Variants in SLC25A48 observed in about 807,000 individuals in gnomAD.
The protein encoded by SLC25A48 is solute carrier family 25 member 48, also known as CTC-321K16.1.
A neutral mutation model predicts 32.2 loss-of-function variants in SLC25A48; 29 were observed. The observed-to-expected ratio is 0.90, with a 90% CI of 0.67 to 1.23. The LOEUF is 1.23. Among genes scored for constraint, SLC25A48 ranks in the 50% most tolerant of loss-of-function variants. The pLI is 0.00. For synonymous variants in SLC25A48, 164 were observed against 172.3 expected, an observed-to-expected ratio of 0.95 and a Z score of 0.38; for missense variants, 399 against 422.7, an observed-to-expected ratio of 0.94 and a Z score of 0.49.
chr5:135,675,551 A>G (rs552950575), intron 3 of SLC25A48, among the ~76,000 whole-genome samples: 3 of 152,166 alleles, frequency 2.0e-5, no homozygotes, highest in South Asian at 2.1e-4. Context: ...ATTCTGTCCC[A>G]TTGGTCTACA....
At chr5:135,652,528 C>T (rs925506633) in intron 3 of SLC25A48, 2 of 428,770 alleles carry the variant, frequency 4.7e-6, no homozygotes, top group Non-Finnish European at 9.4e-6. Context: ...ACTATATACC[C>T]CATTAACTGG....
chr5:135,745,722 C>T (rs527530005), intron 3 of SLC25A48, among the ~76,000 whole-genome samples: 1 of 152,288 alleles, frequency 6.6e-6, no homozygotes, highest in Non-Finnish European at 1.5e-5. Context: ...TTAAGCTAAA[C>T]TCCACTAGGG....
At chr5:135,777,034 CA>C (rs1756582340) in intron 3 of SLC25A48, among the ~76,000 whole-genome samples, 1 of 151,118 alleles carries the variant, frequency 6.6e-6, no homozygotes, top group Admixed American at 6.6e-5. Context: ...TCCTAATATC[CA>C]GGGGAAGAGA....
At chr5:135,852,476 G>A (rs1759951710) in intron 3 of SLC25A48, 87 bp from the exon 4 acceptor site, 1 of 1,467,400 alleles carries the variant, frequency 6.8e-7, no homozygotes, top group East Asian at 2.3e-5. Flanking sequence ...ATGGGCAGAT[G>A]TGTCCGGTGG....
intron 3 of SLC25A48, among the ~76,000 whole-genome samples, chr5:135,758,678 TATC>T (rs1342529586): frequency 6.6e-6 from 1 of 150,722 alleles, no homozygotes; most frequent in Non-Finnish European, 1.5e-5. Flanking sequence ...ATTAATAGAA[TATC>T]ATCTATGCTA....
intron 3 of SLC25A48, among the ~76,000 whole-genome samples, chr5:135,675,002 A>G (rs946462684): frequency 4.0e-5 from 6 of 151,796 alleles, no homozygotes; most frequent in Non-Finnish European, 7.4e-5. Flanking sequence ...TTTTCCCTGC[A>G]TCCTCGCCAG....
At chr5:135,662,922 G>A (rs1753438032) in intron 3 of SLC25A48, among the ~76,000 whole-genome samples, 1 of 152,094 alleles carries the variant, frequency 6.6e-6, no homozygotes, top group Non-Finnish European at 1.5e-5. Context: ...GCTCTCTCCT[G>A]GGTTCCAGCT....
At chr5:135,756,303 TATA>T (rs112426587) in intron 3 of SLC25A48, among the ~76,000 whole-genome samples, 61,280 of 151,754 alleles carry the variant, frequency 0.4, 14,225 homozygotes, top group Non-Finnish European at 0.52. Flanking sequence ...TTGTGATATT[TATA>T]ATATCTAGTG....
In SLC25A48 at chr5:135,842,358, C is replaced by T. The variant is rs1759078200; in HGVS notation, c.47-58C>T. On this transcript the variant is annotated intron_variant, in intron 1 of 7. Coordinates refer to ENST00000681962, the MANE Select transcript of SLC25A48 (RefSeq NM_001349336.2). The stretch of plus-strand genomic sequence containing the variant: ...GTGCCTGTTTTGTCCCAAGAGCTGG[C>T]TGGTGTAAGCCAGGAGTCCAAGGGC... 18 of 1,576,774 alleles carry T rather than the reference C, an allele frequency of 1.1e-5. 1 individual carries two copies. In the South Asian group the frequency reaches 2.0e-4, roughly 17 times the overall value.
chr5:135,584,710 T>G (rs890926604), intron 1 of SLC25A48, among the ~76,000 whole-genome samples: 2 of 152,200 alleles, frequency 1.3e-5, no homozygotes, highest in African/African-American at 4.8e-5. Flanking sequence ...AAAATAAAGA[T>G]TTAAACTAAA....
In SLC25A48 at chr5:135,850,410, T is replaced by C; in HGVS notation, c.91-15T>C. 6.2e-7 allele frequency: 1 copy of C among 1,614,056 alleles called. No individual in the cohort carries two copies. Among genetic ancestry groups the C allele is most frequent in the Non-Finnish European group, 8.5e-7 (1 of 1,179,948 alleles). On this transcript the variant is annotated splice_polypyrimidine_tract_variant and intron_variant, in intron 2 of 7. Transcript: ENST00000681962. Reference sequence around the variant, plus strand: ...TAACCTCTGCGCTGACCCATGTCCTTGCCTCTCTCCATAGACTCGCCTGCA... The same window carrying C: ...TAACCTCTGCGCTGACCCATGTCCTCGCCTCTCTCCATAGACTCGCCTGCA...
chr5:135,664,527 AC>A (rs1411621204), intron 3 of SLC25A48, among the ~76,000 whole-genome samples: 3 of 152,048 alleles, frequency 2.0e-5, no homozygotes, highest in African/African-American at 7.2e-5. Context: ...ATTTTGGTGC[AC>A]CCTTCACCCA....
intron 4 of SLC25A48, among the ~76,000 whole-genome samples, chr5:135,860,186 A>G (rs1247110601): frequency 6.6e-6 from 1 of 152,236 alleles, no homozygotes; most frequent in South Asian, 2.1e-4. Context: ...CCCCACTGCC[A>G]TAATTTTCTC....
chr5:135,868,997 C>T (rs4246806), intron 4 of SLC25A48, among the ~76,000 whole-genome samples: 36,808 of 151,960 alleles, frequency 0.24, 5,200 homozygotes, highest in East Asian at 0.5. Flanking sequence ...TGAACACACA[C>T]GAGTGAGAAG....
chr5:135,857,990 G>A (rs1414041079), intron 4 of SLC25A48, among the ~76,000 whole-genome samples: 1 of 152,134 alleles, frequency 6.6e-6, no homozygotes, highest in Non-Finnish European at 1.5e-5. Flanking sequence ...AGAACACAGG[G>A]ACCCTGTCCT....
intron 3 of SLC25A48, chr5:135,648,544 C>T (rs1330961304): frequency 2.0e-5 from 3 of 152,192 alleles, no homozygotes; most frequent in Admixed American, 6.5e-5. Flanking sequence ...AAGCAGGAGA[C>T]CTGCGCTCCA....
intron 4 of SLC25A48, among the ~76,000 whole-genome samples, chr5:135,853,218 G>T (rs147907166): frequency 6.6e-6 from 1 of 152,174 alleles, no homozygotes; most frequent in African/African-American, 2.4e-5. Flanking sequence ...GTCTTGCCTC[G>T]ATGTTGATGG....
intron 1 of SLC25A48, among the ~76,000 whole-genome samples, chr5:135,624,729 G>A (rs755022453): frequency 7.9e-5 from 12 of 152,196 alleles, no homozygotes; most frequent in Non-Finnish European, 1.3e-4. Flanking sequence ...TTTGAAGCGC[G>A]TTTGAGTCTG....
At chr5:135,691,370 C>T (rs1754139711) in intron 3 of SLC25A48, among the ~76,000 whole-genome samples, 1 of 152,176 alleles carries the variant, frequency 6.6e-6, no homozygotes, top group Non-Finnish European at 1.5e-5. Flanking sequence ...GGAGTCCTTC[C>T]TGGGAACCCA....
Sources: allele counts gnomAD v4.1 joint callset (sites outside exome capture counted in the v4.1 genomes callset), GRCh38; gene constraint gnomAD v4.1.1; transcripts MANE v1.5; gene names NCBI Gene and HGNC (gene_info 2026-07-23, HGNC 2026-07-21).